Variants in NELL2 observed in about 807,000 individuals in gnomAD.
NELL2 encodes neural EGFL like 2, also known as protein kinase C-binding protein NELL2.
NELL2 carries 41 observed loss-of-function variants against 109.6 expected under a neutral mutation model. The observed-to-expected ratio is 0.37, with a 90% CI of 0.29 to 0.49. The LOEUF (loss-of-function observed/expected upper bound fraction) is 0.49. Among genes scored for constraint, NELL2 ranks in the 20% least tolerant of loss-of-function variants. The probability of loss-of-function intolerance (pLI) is 0.98; values close to 1 mark genes in which losing one functional copy is unlikely to be tolerated. For synonymous variants in NELL2, 355 were observed against 344.7 expected, an observed-to-expected ratio of 1.03 and a Z score of -0.33; for missense variants, 900 against 1,008.3, an observed-to-expected ratio of 0.89 and a Z score of 1.45.
chr12:44,716,866 CT>C (rs1241595043), intron 9 of NELL2, among the ~76,000 whole-genome samples: 3 of 151,922 alleles, frequency 2.0e-5, no homozygotes, highest in African/African-American at 7.3e-5. Flanking sequence ...TATTAAAAGT[CT>C]TTTGATAATT....
chr12:44,706,868 A>C (rs1937910723), intron 11 of NELL2, among the ~76,000 whole-genome samples: 1 of 152,184 alleles, frequency 6.6e-6, no homozygotes, highest in Non-Finnish European at 1.5e-5. Context: ...AGCTTTACAA[A>C]ATTACATAAA....
At chr12:44,621,180 C>T (rs1946044713) in intron 13 of NELL2, among the ~76,000 whole-genome samples, 1 of 152,120 alleles carries the variant, frequency 6.6e-6, no homozygotes, top group Non-Finnish European at 1.5e-5. Flanking sequence ...CCCAGAAAGC[C>T]CCTTCCCACT....
In NELL2 at chr12:44,742,112, C is replaced by G. The variant is rs1468777270; in HGVS notation, c.995-27371G>C. ...AGCCGGGTACTCCTCCGAGACAAAA[C>G]TTCCAGAGGAACGATCAGGCAGCAG... On this transcript the variant is annotated intron_variant, in intron 9 of 19. Transcript: ENST00000429094. 2.0e-5 allele frequency among the ~76,000 whole-genome samples: 3 copies of G among 152,186 alleles called. No homozygotes were observed. In the East Asian group the frequency reaches 5.8e-4, roughly 29 times the overall value.
At chr12:44,760,810 T>C (rs1323231903) in intron 9 of NELL2, among the ~76,000 whole-genome samples, 3 of 152,038 alleles carry the variant, frequency 2.0e-5, no homozygotes, top group Non-Finnish European at 4.4e-5. Flanking sequence ...ATAGTAAATA[T>C]TTGATGAATA....
intron 9 of NELL2, among the ~76,000 whole-genome samples, chr12:44,735,634 A>G: frequency 6.6e-6 from 1 of 152,094 alleles, no homozygotes. Flanking sequence ...AAAAGCTGAA[A>G]TTTTCAAGGA....
chr12:44,798,661 T>G (rs956841029), intron 3 of NELL2, among the ~76,000 whole-genome samples: 1 of 152,124 alleles, frequency 6.6e-6, no homozygotes, highest in Non-Finnish European at 1.5e-5. Context: ...CAAGTACATA[T>G]ATCTAACATA....
chr12:44,819,903 G>T (rs1943482880), intron 2 of NELL2, among the ~76,000 whole-genome samples: 1 of 152,068 alleles, frequency 6.6e-6, no homozygotes, highest in Non-Finnish European at 1.5e-5. Context: ...TTAAAAATGG[G>T]CTTGCATGAG....
intron 13 of NELL2, among the ~76,000 whole-genome samples, chr12:44,639,783 G>A (rs991394555): frequency 1.3e-5 from 2 of 151,876 alleles, no homozygotes; most frequent in Non-Finnish European, 2.9e-5. Flanking sequence ...ACAGTATCAT[G>A]TCTCTCCTTT....
intron 13 of NELL2, among the ~76,000 whole-genome samples, chr12:44,642,414 T>C (rs1946896842): frequency 6.6e-6 from 1 of 152,072 alleles, no homozygotes; most frequent in South Asian, 2.1e-4. Flanking sequence ...ATATATAAGA[T>C]GGTCAAACTC....
At chr12:44,737,794 TG>T (rs1939729117) in intron 9 of NELL2, among the ~76,000 whole-genome samples, 1 of 152,044 alleles carries the variant, frequency 6.6e-6, no homozygotes, top group Non-Finnish European at 1.5e-5. Flanking sequence ...TACCTTCCCC[TG>T]GTATCCAACC....
intron 2 of NELL2, among the ~76,000 whole-genome samples, chr12:44,865,692 T>C (rs1210442213): frequency 6.0e-5 from 7 of 117,236 alleles, no homozygotes; most frequent in African/African-American, 9.4e-5. Flanking sequence ...AGGGATAGCA[T>C]TGGGAGATAT....
chr12:44,862,731 CAG>C (rs1280690684), intron 2 of NELL2, among the ~76,000 whole-genome samples: 1 of 151,846 alleles, frequency 6.6e-6, no homozygotes, highest in Non-Finnish European at 1.5e-5. Flanking sequence ...CTAAAAAACA[CAG>C]TGCACAAAAT....
intron 15 of NELL2, among the ~76,000 whole-genome samples, chr12:44,581,030 G>A (rs760256484): frequency 6.6e-6 from 1 of 152,092 alleles, no homozygotes; most frequent in Non-Finnish European, 1.5e-5. Flanking sequence ...ATATTTGCAT[G>A]GGACAATTTA....
chr12:44,767,403 C>A (rs1022720399), intron 9 of NELL2, among the ~76,000 whole-genome samples: 4 of 152,126 alleles, frequency 2.6e-5, no homozygotes, highest in African/African-American at 4.8e-5. Flanking sequence ...AGCACTTCCA[C>A]CTGGTGCTCC....
chr12:44,592,441 G>C lies in NELL2; in HGVS notation c.1663+14728C>G, dbSNP rs774728839. The stretch of plus-strand genomic sequence containing the variant: ...CTTTGGGTAGAGAAAGTGATGCTTT[G>C]TTTCCCTCTTCCCAGAGCATGGTGG... On this transcript the variant is annotated intron_variant, in intron 15 of 19. Transcript: ENST00000429094. 3.7e-4 allele frequency among the ~76,000 whole-genome samples: 56 copies of C among 152,252 alleles called. 1 individual carries two copies. The highest frequency in any genetic ancestry group is 3.4e-3 in the Middle Eastern group (1 of 292).
chr12:44,529,964 G>A (rs777937791), intron 16 of NELL2, among the ~76,000 whole-genome samples: 11 of 152,156 alleles, frequency 7.2e-5, no homozygotes, highest in Non-Finnish European at 8.8e-5. Context: ...AAAGATGGCC[G>A]CCACTCCTGA....
At chr12:44,799,224 C>T (rs985011786) in intron 3 of NELL2, among the ~76,000 whole-genome samples, 2 of 152,064 alleles carry the variant, frequency 1.3e-5, no homozygotes, top group Non-Finnish European at 2.9e-5. Flanking sequence ...TCCCAAAGTG[C>T]TGGGACTACA....
chr12:44,526,690 G>C (rs1175460202), intron 16 of NELL2, among the ~76,000 whole-genome samples: 1 of 152,194 alleles, frequency 6.6e-6, no homozygotes, highest in Non-Finnish European at 1.5e-5. Context: ...TTTCTGGCGT[G>C]GAAAATATGG....
chr12:44,711,576 TA>T (rs1938206010), intron 10 of NELL2, among the ~76,000 whole-genome samples, 182 bp from the exon 11 acceptor site: 4 of 152,096 alleles, frequency 2.6e-5, no homozygotes, highest in African/African-American at 9.7e-5. Flanking sequence ...GTCTTTAGAA[TA>T]AGCAAGTCTT....
Sources: allele counts gnomAD v4.1 joint callset (sites outside exome capture counted in the v4.1 genomes callset), GRCh38; gene constraint gnomAD v4.1.1; transcripts MANE v1.5; gene names NCBI Gene and HGNC (gene_info 2026-07-23, HGNC 2026-07-21).